The following SNRPE variants were observed in gnomAD, a reference collection of about 807,000 sequenced individuals.
SNRPE encodes the protein small nuclear ribonucleoprotein polypeptide E.
For synonymous variants in SNRPE, 35 were observed against 36.7 expected (o/e 0.95, Z 0.17); for missense variants, 53 against 111.6 (o/e 0.48, Z 2.36).
intron 4 of SNRPE, among the ~76,000 whole-genome samples, chr1:203,868,870 G>A (rs1158641190): frequency 3.9e-5 from 6 of 152,030 alleles, no homozygotes; most frequent in South Asian, 2.1e-4. Flanking sequence ...GGGTGTCACC[G>A]TGTTGTCCAG....
intron 2 of SNRPE, among the ~76,000 whole-genome samples, chr1:203,863,026 A>C (rs1456401953): frequency 6.6e-6 from 1 of 152,156 alleles, no homozygotes; most frequent in Non-Finnish European, 1.5e-5. Context: ...TATAGAACTT[A>C]TTAAATGAAA....
At chr1:203,868,046 A>G (rs1189139551) in intron 4 of SNRPE, among the ~76,000 whole-genome samples, 2 of 150,622 alleles carry the variant, frequency 1.3e-5, no homozygotes, top group African/African-American at 4.9e-5. Flanking sequence ...AAATATTTGA[A>G]CAATGAATGG....
intron 1 of SNRPE, 46 bp downstream of exon 1, chr1:203,861,759 CG>C: frequency 7.0e-7 from 1 of 1,432,052 alleles, no homozygotes; most frequent in African/African-American, 1.4e-5. Flanking sequence ...GGTCAGAATA[CG>C]GGGTGCGAAG....
rs963434658 is a variant in SNRPE at position 203,870,308 on chromosome 1, T to C, written c.*376T>C. On this transcript the variant is annotated 3_prime_UTR_variant, in exon 5 of 5. Coordinates refer to ENST00000414487, the MANE Select transcript of SNRPE (RefSeq NM_003094.4). ...GGTTCAGAAAAATAAATAAGAGTTA[T>C]TGCACTAACAAAAGTCTTCATCACT... The C allele has an allele frequency of 6.1e-6, 1 of 164,790 alleles. No homozygotes were observed. Among genetic ancestry groups the C allele is most frequent in the Admixed American group, 6.4e-5 (1 of 15,684 alleles). The allele number at this position is 164,790 out of a possible 1,614,324, so 10.2% of individuals were successfully genotyped here. A position where few individuals can be genotyped will look rare whatever the true frequency, so the allele number is the denominator to read the frequency against.
chr1:203,863,304 C>T (rs754319702), intron 2 of SNRPE, among the ~76,000 whole-genome samples: 1 of 151,894 alleles, frequency 6.6e-6, no homozygotes, highest in Non-Finnish European at 1.5e-5. Context: ...CGGTGTGAAT[C>T]GAGGCACCTG....
intron 4 of SNRPE, among the ~76,000 whole-genome samples, chr1:203,868,970 G>T (rs1271642748): frequency 6.6e-6 from 1 of 152,146 alleles, no homozygotes; most frequent in African/African-American, 2.4e-5. Flanking sequence ...TACCCAGCCG[G>T]GTTTTTTAGA....
intron 4 of SNRPE, among the ~76,000 whole-genome samples, chr1:203,866,603 T>C (rs11590770): frequency 3.9e-5 from 6 of 152,088 alleles, no homozygotes; most frequent in African/African-American, 1.4e-4. Flanking sequence ...TCCTGCCTTA[T>C]TGAATGGCAC....
intron 4 of SNRPE, among the ~76,000 whole-genome samples, chr1:203,867,610 A>G (rs114001014): frequency 1.3e-5 from 2 of 152,078 alleles, no homozygotes; most frequent in East Asian, 1.9e-4. Flanking sequence ...CCCGGTTCAC[A>G]ATAGGTTTTG....
Position 203,869,920 on chromosome 1 carries a change from T to C in SNRPE, c.267T>C (p.Ser89=), listed in dbSNP as rs1163547974. Residue 89 remains serine (S), a synonymous_variant, in exon 5 of 5, where the codon AGT becomes AGC. Transcript: ENST00000414487. ...GAGATAATATTACTCTGCTACAAAG[T>C]GTCTCCAACTAGAAATGATCAATGA... The part of the protein sequence containing the change: ...LKGDNITLLQ[S]VSN 6 of 1,599,190 alleles carry C rather than the reference T, an allele frequency of 3.8e-6. No homozygotes were observed. The highest frequency in any genetic ancestry group is 5.1e-6 in the Non-Finnish European group (6 of 1,170,000).
At chr1:203,867,130 A>AAAAG (rs1296991934) in intron 4 of SNRPE, among the ~76,000 whole-genome samples, 5 of 149,388 alleles carry the variant, frequency 3.3e-5, no homozygotes, top group African/African-American at 1.2e-4. Context: ...AAAAAAAAAA[A>AAAAG]TTAGCTGGGC....
At chr1:203,867,462 A>G (rs931306338) in intron 4 of SNRPE, among the ~76,000 whole-genome samples, 1 of 152,044 alleles carries the variant, frequency 6.6e-6, no homozygotes, top group African/African-American at 2.4e-5. Flanking sequence ...TATACAACTC[A>G]CCATCATGTA....
chr1:203,863,761 G>A (rs768677386), intron 3 of SNRPE, 36 bp downstream of exon 3: 5 of 1,397,950 alleles, frequency 3.6e-6, no homozygotes, highest in East Asian at 2.3e-5. Flanking sequence ...ATAGCAGTTC[G>A]GTCGTAGAAA....
At chr1:203,865,503 C>T (rs1305718604) in intron 4 of SNRPE, among the ~76,000 whole-genome samples, 1 of 152,138 alleles carries the variant, frequency 6.6e-6, no homozygotes, top group Non-Finnish European at 1.5e-5. Flanking sequence ...CAATAATTAA[C>T]ACAGAAGACT....
At chr1:203,864,876 C>CA (rs61506397) in intron 3 of SNRPE, among the ~76,000 whole-genome samples, 165 bp from the exon 4 acceptor site, 8,803 of 118,282 alleles carry the variant, frequency 0.074, 484 homozygotes, top group Non-Finnish European at 0.1. Flanking sequence ...GATCCTTTCT[C>CA]AAAAAAAAAA....
At chr1:203,867,172 C>T (rs531615893) in intron 4 of SNRPE, among the ~76,000 whole-genome samples, 2 of 149,012 alleles carry the variant, frequency 1.3e-5, no homozygotes, top group African/African-American at 2.5e-5. Flanking sequence ...TCCAGCTACT[C>T]GGGAGGCTGA....
rs150578163 is a variant in SNRPE at position 203,870,705 on chromosome 1, T to C, written c.*773T>C. 6.6e-6 allele frequency among the ~76,000 whole-genome samples: 1 copy of C among 152,378 alleles called. No individual in the cohort carries two copies. The highest frequency in any genetic ancestry group is 2.4e-5 in the African/African-American group (1 of 41,600). ...AGTGATTGCTGGTTGAATTCTTATA[T>C]GGACAGGTTTCCCTTCCCCCAGTAT... On this transcript the variant is annotated 3_prime_UTR_variant, in exon 5 of 5. Coordinates refer to ENST00000414487, the MANE Select transcript of SNRPE (RefSeq NM_003094.4).
At chr1:203,866,098 A>C (rs1002766192) in intron 4 of SNRPE, among the ~76,000 whole-genome samples, 3 of 152,202 alleles carry the variant, frequency 2.0e-5, no homozygotes, top group African/African-American at 7.2e-5. Flanking sequence ...TGGGGCTGAA[A>C]GTCCGACATC....
At chr1:203,864,876 C>CAAAAAAAA (rs61506397) in intron 3 of SNRPE, among the ~76,000 whole-genome samples, 165 bp from the exon 4 acceptor site, 3 of 119,290 alleles carry the variant, frequency 2.5e-5, no homozygotes, top group East Asian at 2.6e-4. Context: ...GATCCTTTCT[C>CAAAAAAAA]AAAAAAAAAA....
At chr1:203,865,786 T>A (rs1401697318) in intron 4 of SNRPE, among the ~76,000 whole-genome samples, 1 of 152,194 alleles carries the variant, frequency 6.6e-6, no homozygotes, top group Non-Finnish European at 1.5e-5. Context: ...TCCGTTGGTT[T>A]GATTAATTTG....
Sources: allele counts gnomAD v4.1 joint callset (sites outside exome capture counted in the v4.1 genomes callset), GRCh38; gene constraint gnomAD v4.1.1; transcripts MANE v1.5; gene names NCBI Gene and HGNC (gene_info 2026-07-23, HGNC 2026-07-21).